The following SUMF1 variants were observed in gnomAD, a reference collection of about 807,000 sequenced individuals.
SUMF1 encodes the protein formylglycine-generating enzyme.
In SUMF1, 48 loss-of-function variants were observed where a neutral mutation model predicts 47.6. The observed-to-expected ratio is 1.01, with a 90% CI of 0.80 to 1.28. The LOEUF is 1.28. Among genes scored for constraint, SUMF1 ranks in the 50% most tolerant of loss-of-function variants. The probability of loss-of-function intolerance (pLI) is 0.00; values close to 1 mark genes in which losing one functional copy is unlikely to be tolerated. For missense variants in SUMF1, 571 were observed against 485.4 expected, an observed-to-expected ratio of 1.18 and a Z score of -1.66; for synonymous variants, 230 against 192.1, an observed-to-expected ratio of 1.20 and a Z score of -1.63.
At position 4,106,517 on chromosome 3, in the gene SUMF1, A is replaced by T. The variant is rs754649118; in HGVS notation, c.1015-37772T>A. Among the ~76,000 whole-genome samples the T allele has an allele frequency of 1.4e-3, 218 of 152,266 alleles. 6 individuals carry two copies. The highest frequency in any genetic ancestry group is 3.0e-3 in the Non-Finnish European group (206 of 68,028). On this transcript the variant is annotated intron_variant and NMD_transcript_variant, in intron 8 of 12. Transcript: ENST00000448413. ...CCTTTTCTTTTAATCAGAACAATAT[A>T]ACAGATAGGAAATTCCAACTGTTTG... is the stretch of plus-strand genomic sequence containing the variant.
At chr3:4,298,906 T>A (rs1697910914) in intron 8 of SUMF1, among the ~76,000 whole-genome samples, 1 of 152,198 alleles carries the variant, frequency 6.6e-6, no homozygotes. Context: ...CCTATCCACA[T>A]CTTTCTTTTT....
intron 9 of SUMF1, among the ~76,000 whole-genome samples, chr3:4,050,333 A>G (rs1463392701): frequency 6.6e-6 from 1 of 152,062 alleles, no homozygotes; most frequent in Non-Finnish European, 1.5e-5. Flanking sequence ...CTATTGTTAT[A>G]AAATCACTGA....
At chr3:4,192,454 T>C (rs1009240394) in intron 8 of SUMF1, among the ~76,000 whole-genome samples, 3 of 152,058 alleles carry the variant, frequency 2.0e-5, no homozygotes, top group Admixed American at 1.3e-4. Flanking sequence ...AATGTTTATA[T>C]TTTTATTTAT....
chr3:4,409,390 T>C (rs1003528235), intron 7 of SUMF1, among the ~76,000 whole-genome samples: 1 of 152,152 alleles, frequency 6.6e-6, no homozygotes, highest in Non-Finnish European at 1.5e-5. Context: ...AAGCCTGGGA[T>C]TGGTGAAAAG....
chr3:4,455,880 G>A (rs1703143777), intron 1 of SUMF1, among the ~76,000 whole-genome samples: 1 of 151,938 alleles, frequency 6.6e-6, no homozygotes, highest in Admixed American at 6.6e-5. Flanking sequence ...TATGATACCA[G>A]CATTACACTG....
intron 8 of SUMF1, among the ~76,000 whole-genome samples, chr3:4,240,491 T>G (rs1362343936): frequency 7.1e-6 from 1 of 140,598 alleles, no homozygotes; most frequent in Non-Finnish European, 1.5e-5. Flanking sequence ...TATTTTATTT[T>G]GTTTTCAATT....
At chr3:4,078,797 G>A (rs1057465013) in intron 8 of SUMF1, among the ~76,000 whole-genome samples, 1 of 152,024 alleles carries the variant, frequency 6.6e-6, no homozygotes, top group Non-Finnish European at 1.5e-5. Context: ...TATGAAGTAG[G>A]TACTGTGGTT....
In SUMF1 at chr3:4,321,470, T is replaced by TAAAAAAAAAAAAAAAAAAAAAAAAAAAAA. The variant is rs1206478992; in HGVS notation, c.1014+54859_1014+54860insTTTTTTTTTTTTTTTTTTTTTTTTTTTTT. ...GTAGTGCCAGAAAGTAAGGAAATGC[T>TAAAAAAAAAAAAAAAAAAAAAAAAAAAAA]AAAAAAAAAAAAAAAAAAAAAAAGA... On this transcript the variant is annotated intron_variant and NMD_transcript_variant, in intron 8 of 12. Transcript: ENST00000448413. 6.3e-5 allele frequency among the ~76,000 whole-genome samples: 4 copies of TAAAAAAAAAAAAAAAAAAAAAAAAAAAAA among 63,734 alleles called. 1 individual carries two copies. The highest frequency in any genetic ancestry group is 1.1e-4 in the African/African-American group (2 of 17,978). 41.8% of individuals were successfully genotyped at this position (63,734 alleles called of 152,430 possible).
At chr3:4,054,073 AAAT>A in intron 9 of SUMF1, among the ~76,000 whole-genome samples, 1 of 152,272 alleles carries the variant, frequency 6.6e-6, no homozygotes, top group Admixed American at 6.5e-5. Context: ...AATGTCTGAG[AAAT>A]AATAAGAGCC....
At chr3:4,206,421 G>A (rs535859112) in intron 8 of SUMF1, among the ~76,000 whole-genome samples, 1 of 152,078 alleles carries the variant, frequency 6.6e-6, no homozygotes, top group Non-Finnish European at 1.5e-5. Flanking sequence ...CCTCCAGTGA[G>A]GGCTGGTCTA....
At chr3:4,359,920 G>T (rs2125170113), downstream of SUMF1, among the ~76,000 whole-genome samples, 1 of 152,246 alleles carries the variant, frequency 6.6e-6, no homozygotes, top group African/African-American at 2.4e-5. Flanking sequence ...GGGATTATAG[G>T]TATGAGCCAC....
downstream of SUMF1, among the ~76,000 whole-genome samples, chr3:4,359,184 G>C (rs894448611): frequency 6.6e-6 from 1 of 152,196 alleles, no homozygotes; most frequent in African/African-American, 2.4e-5. Context: ...ACATTATAAA[G>C]TGTAGTGACT....
chr3:4,078,140 G>A (rs1692480165), intron 8 of SUMF1, among the ~76,000 whole-genome samples: 1 of 152,044 alleles, frequency 6.6e-6, no homozygotes, highest in Non-Finnish European at 1.5e-5. Flanking sequence ...CCACTGAGCC[G>A]AAATATGACC....
At chr3:4,122,430 G>A (rs1693566540) in intron 8 of SUMF1, among the ~76,000 whole-genome samples, 2 of 152,082 alleles carry the variant, frequency 1.3e-5, no homozygotes, top group South Asian at 4.2e-4. Context: ...AGTATTTAAT[G>A]GTATAGAATT....
chr3:4,128,844 C>G (rs1193180349), intron 8 of SUMF1, among the ~76,000 whole-genome samples: 1 of 152,016 alleles, frequency 6.6e-6, no homozygotes, highest in Non-Finnish European at 1.5e-5. Context: ...TTTGGGCCCA[C>G]TAAGTAGGGA....
intron 8 of SUMF1, among the ~76,000 whole-genome samples, chr3:4,343,317 A>C (rs150848727): frequency 6.6e-6 from 1 of 152,388 alleles, no homozygotes; most frequent in East Asian, 1.9e-4. Context: ...GAGGAGCTCC[A>C]GATCACCAAA....
At chr3:4,221,374 GT>G (rs1189262053) in intron 8 of SUMF1, among the ~76,000 whole-genome samples, 5 of 151,648 alleles carry the variant, frequency 3.3e-5, no homozygotes, top group Non-Finnish European at 7.4e-5. Flanking sequence ...AACTTTTCAT[GT>G]ACTTAAAAGC....
intron 3 of SUMF1, among the ~76,000 whole-genome samples, chr3:4,444,008 C>G (rs994109973): frequency 1.3e-5 from 2 of 152,020 alleles, no homozygotes; most frequent in East Asian, 1.9e-4. Context: ...ATGACAAACA[C>G]CAACACACAG....
chr3:4,148,234 T>C (rs558979856), intron 8 of SUMF1, among the ~76,000 whole-genome samples: 1 of 152,260 alleles, frequency 6.6e-6, no homozygotes, highest in East Asian at 1.9e-4. Context: ...AAGATAAATA[T>C]CTTTCTCATA....
Sources: gnomAD v4.1 joint callset for allele counts (sites outside exome capture counted in the v4.1 genomes callset) on GRCh38, gnomAD v4.1.1 for gene constraint, MANE v1.5 for transcripts, NCBI Gene and HGNC (gene_info 2026-07-23, HGNC 2026-07-21) for gene names.